The following COLEC12 variants were observed in gnomAD, a reference collection of about 807,000 sequenced individuals.
COLEC12 encodes the protein collectin subfamily member 12, also known as collectin-12.
A neutral mutation model predicts 71.1 loss-of-function variants in COLEC12; 33 were observed. That is an observed-to-expected ratio of 0.46 (90% CI 0.35 to 0.62). The LOEUF (loss-of-function observed/expected upper bound fraction) is 0.62. Among genes scored for constraint, COLEC12 ranks in the 20% least tolerant of loss-of-function variants. The probability of loss-of-function intolerance (pLI) is 0.00; values close to 1 mark genes in which losing one functional copy is unlikely to be tolerated. For synonymous variants in COLEC12, 350 were observed against 353.0 expected, an observed-to-expected ratio of 0.99 and a Z score of 0.10; for missense variants, 765 against 916.1, an observed-to-expected ratio of 0.84 and a Z score of 2.13.
intron 2 of COLEC12, among the ~76,000 whole-genome samples, chr18:440,594 A>G (rs540845839): frequency 2.0e-5 from 3 of 152,348 alleles, no homozygotes; most frequent in Admixed American, 2.0e-4. Context: ...ATCCCTCAGT[A>G]TCTGTGCAGG....
At position 319,000 on chromosome 18, in the gene COLEC12, G is replaced by C. The variant is rs1913621126; in HGVS notation, c.*1045C>G. ...CTGACAGTTAATGTTGGCTCTGTAG[G>C]GATCTGATGCCAAGTACAGTCATAG... On this transcript the variant is annotated 3_prime_UTR_variant, in exon 10 of 10. Coordinates refer to ENST00000400256, the MANE Select transcript of COLEC12 (RefSeq NM_130386.3). 1 of 152,048 alleles carries C rather than the reference G, an allele frequency of 6.6e-6. No homozygotes were observed. The highest frequency in any genetic ancestry group is 1.5e-5 in the Non-Finnish European group (1 of 68,032). The allele number at this position is 152,048 out of a possible 1,614,324, so 9.4% of individuals were successfully genotyped here.
chr18:405,622 A>G (rs1341773601), intron 2 of COLEC12, among the ~76,000 whole-genome samples: 1 of 152,200 alleles, frequency 6.6e-6, no homozygotes, highest in Admixed American at 6.5e-5. Flanking sequence ...AGCTGAATGA[A>G]AAATCAGCTG....
At chr18:496,509 ACT>A (rs1194318896) in intron 1 of COLEC12, among the ~76,000 whole-genome samples, 3 of 152,158 alleles carry the variant, frequency 2.0e-5, no homozygotes, top group Non-Finnish European at 2.9e-5. Flanking sequence ...AGAAAATATG[ACT>A]CTTTCAATGT....
chr18:351,868 T>TG (rs1424705231), intron 3 of COLEC12, among the ~76,000 whole-genome samples: 1 of 152,186 alleles, frequency 6.6e-6, no homozygotes, highest in Non-Finnish European at 1.5e-5. Flanking sequence ...TTAGTAGAGA[T>TG]GGGGTTTCTC....
At chr18:395,764 C>G (rs1391489020) in intron 2 of COLEC12, among the ~76,000 whole-genome samples, 1 of 152,186 alleles carries the variant, frequency 6.6e-6, no homozygotes, top group African/African-American at 2.4e-5. Context: ...TGTTAAAAGA[C>G]CAGGTCCCAT....
At chr18:389,881 C>T (rs1000510049) in intron 2 of COLEC12, among the ~76,000 whole-genome samples, 3 of 152,144 alleles carry the variant, frequency 2.0e-5, no homozygotes, top group Admixed American at 6.5e-5. Flanking sequence ...GCGGCTTTCT[C>T]GTGGTCAAAC....
intron 1 of COLEC12, among the ~76,000 whole-genome samples, chr18:487,998 G>A (rs1917551027): frequency 1.3e-5 from 2 of 152,044 alleles, no homozygotes; most frequent in South Asian, 4.1e-4. Context: ...CAATTGAGAG[G>A]AAATCTACAT....
At chr18:405,982 G>C (rs1255166230) in intron 2 of COLEC12, among the ~76,000 whole-genome samples, 1 of 152,036 alleles carries the variant, frequency 6.6e-6, no homozygotes, top group Non-Finnish European at 1.5e-5. Flanking sequence ...CAAGATATAG[G>C]TCATAAAGAC....
At chr18:431,854 T>G (rs2143675823) in intron 2 of COLEC12, among the ~76,000 whole-genome samples, 1 of 152,306 alleles carries the variant, frequency 6.6e-6, no homozygotes, top group Non-Finnish European at 1.5e-5. Flanking sequence ...CTTATTGAAC[T>G]CTTGCCATGT....
chr18:393,808 C>T (rs778012007), intron 2 of COLEC12, among the ~76,000 whole-genome samples: 5 of 152,304 alleles, frequency 3.3e-5, no homozygotes, highest in South Asian at 2.1e-4. Context: ...ATGCCATGTA[C>T]GTTTATCTTT....
chr18:338,007 T>A (rs1555612904), intron 5 of COLEC12, among the ~76,000 whole-genome samples: 2 of 152,236 alleles, frequency 1.3e-5, no homozygotes, highest in South Asian at 4.1e-4. Context: ...ACTTTTGTCT[T>A]CCTTAAGCCC....
intron 8 of COLEC12, 97 bp from the exon 9 acceptor site, chr18:321,904 C>T (rs887184463): frequency 8.6e-7 from 1 of 1,165,516 alleles, no homozygotes; most frequent in African/African-American, 1.5e-5. Context: ...AAAATTGAAG[C>T]ATGTCATTTA....
At chr18:448,615 C>T (rs1194201708) in intron 2 of COLEC12, among the ~76,000 whole-genome samples, 2 of 152,090 alleles carry the variant, frequency 1.3e-5, no homozygotes, top group Non-Finnish European at 2.9e-5. Context: ...AGGTGGTATT[C>T]AAAAGAAGTA....
chr18:436,732 G>A (rs1916414934), intron 2 of COLEC12, among the ~76,000 whole-genome samples: 3 of 151,722 alleles, frequency 2.0e-5, no homozygotes, highest in Admixed American at 6.6e-5. Context: ...GGCTTTCCCC[G>A]ACAGTGATGG....
chr18:325,627 CTTTTTTTTT>C (rs760407917), intron 8 of COLEC12, among the ~76,000 whole-genome samples: 12 of 51,840 alleles, frequency 2.3e-4, no homozygotes, highest in South Asian at 2.7e-3. Flanking sequence ...AAGGATCAGC[CTTTTTTTTT>C]TTTTTTTTTT....
chr18:393,971 C>T (rs559573322), intron 2 of COLEC12, among the ~76,000 whole-genome samples: 2 of 152,260 alleles, frequency 1.3e-5, no homozygotes, highest in African/African-American at 2.4e-5. Flanking sequence ...TTTACATAGG[C>T]TTTGTGGAGG....
intron 1 of COLEC12, among the ~76,000 whole-genome samples, chr18:493,668 G>A (rs182844180): frequency 2.2e-3 from 331 of 152,272 alleles, no homozygotes; most frequent in African/African-American, 7.6e-3. Context: ...AGAGGGCCTT[G>A]CACACAGAAA....
chr18:344,964 G>A (rs1914338107), intron 5 of COLEC12, among the ~76,000 whole-genome samples: 2 of 152,192 alleles, frequency 1.3e-5, no homozygotes, highest in African/African-American at 2.4e-5. Flanking sequence ...CTGCTATCCG[G>A]ATCTGCCTTC....
At chr18:380,349 T>C (rs1915203570) in intron 2 of COLEC12, among the ~76,000 whole-genome samples, 1 of 152,158 alleles carries the variant, frequency 6.6e-6, no homozygotes, top group South Asian at 2.1e-4. Flanking sequence ...ATTGTACTCT[T>C]CCTCTATAAC....
Sources: gnomAD v4.1 joint callset for allele counts (sites outside exome capture counted in the v4.1 genomes callset) on GRCh38, gnomAD v4.1.1 for gene constraint, MANE v1.5 for transcripts, NCBI Gene and HGNC (gene_info 2026-07-23, HGNC 2026-07-21) for gene names.